The following GRIN2D variants were observed in gnomAD, a reference collection of about 807,000 sequenced individuals.
GRIN2D encodes glutamate ionotropic receptor NMDA type subunit 2D, also known as glutamate receptor ionotropic, NMDA 2D.
A neutral mutation model predicts 103.2 loss-of-function variants in GRIN2D; 37 were observed. That is an observed-to-expected ratio of 0.36 (90% CI 0.28 to 0.47). The LOEUF is 0.47. Among genes scored for constraint, GRIN2D ranks in the 20% least tolerant of loss-of-function variants. The probability of loss-of-function intolerance (pLI) is 1.00; values close to 1 mark genes in which losing one functional copy is unlikely to be tolerated. For synonymous variants in GRIN2D, 845 were observed against 885.6 expected (o/e 0.95, Z 0.81); for missense variants, 1,557 against 1,910.6 (o/e 0.81, Z 3.45).
intron 11 of GRIN2D, among the ~76,000 whole-genome samples, chr19:48,440,982 G>A (rs1971284526): frequency 6.6e-6 from 1 of 152,124 alleles, no homozygotes; most frequent in African/African-American, 2.4e-5. Flanking sequence ...AGCTACCATG[G>A]CCAGTCTCAA....
chr19:48,437,469 G>A (rs572282322), intron 11 of GRIN2D, among the ~76,000 whole-genome samples: 2 of 152,260 alleles, frequency 1.3e-5, no homozygotes, highest in South Asian at 2.1e-4. Context: ...TGGTGGATGC[G>A]AGAGGGGAGG....
chr19:48,406,414 G>T (rs276720), intron 4 of GRIN2D, among the ~76,000 whole-genome samples: 1 of 151,908 alleles, frequency 6.6e-6, no homozygotes, highest in Admixed American at 6.6e-5. Context: ...GGAAAAATTG[G>T]TAAGTTTGGT....
chr19:48,395,562 G>C lies in GRIN2D; in HGVS notation c.-27+626G>C, dbSNP rs141529782. Among the ~76,000 whole-genome samples the C allele has an allele frequency of 8.7e-4, 132 of 152,110 alleles. 1 individual carries two copies. Among genetic ancestry groups the C allele is most frequent in the African/African-American group, 3.0e-3 (123 of 41,474 alleles). On this transcript the variant is annotated intron_variant, in intron 2 of 13. Transcript: ENST00000263269. The stretch of plus-strand genomic sequence containing the variant: ...CGTCTGCAGCACAACTCGAGGTTGT[G>C]GGGGGAGCTGTTGATCGAAGTGGCC...
At chr19:48,440,772 T>C (rs1971281650) in intron 11 of GRIN2D, among the ~76,000 whole-genome samples, 1 of 152,132 alleles carries the variant, frequency 6.6e-6, no homozygotes, top group Admixed American at 6.5e-5. Context: ...CAGCAACCTC[T>C]GCCTCCCAGG....
chr19:48,429,410 A>AT, intron 11 of GRIN2D, among the ~76,000 whole-genome samples: 1 of 149,726 alleles, frequency 6.7e-6, no homozygotes, highest in Non-Finnish European at 1.5e-5. Flanking sequence ...TTATTTATTT[A>AT]TTTTTTTGAG....
intron 3 of GRIN2D, 101 bp downstream of exon 3, chr19:48,398,958 G>C: frequency 9.6e-7 from 1 of 1,039,272 alleles, no homozygotes; most frequent in Non-Finnish European, 1.3e-6. Flanking sequence ...AGAGGGGGCG[G>C]GGACTGTCCT....
chr19:48,401,723 T>C (rs964814629), intron 3 of GRIN2D, among the ~76,000 whole-genome samples: 4 of 152,206 alleles, frequency 2.6e-5, no homozygotes, highest in South Asian at 4.1e-4. Flanking sequence ...AGGTTTTCAA[T>C]TGAGAAGGGA....
chr19:48,420,231 A>G (rs1454680156), intron 10 of GRIN2D, among the ~76,000 whole-genome samples: 1 of 151,558 alleles, frequency 6.6e-6, no homozygotes, highest in Non-Finnish European at 1.5e-5. Context: ...GATCGAGACC[A>G]TCCTGGCTAA....
chr19:48,418,889 C>T (rs1011096527), intron 8 of GRIN2D, among the ~76,000 whole-genome samples: 8 of 152,044 alleles, frequency 5.3e-5, no homozygotes, highest in African/African-American at 1.9e-4. Flanking sequence ...CCTGCGACGG[C>T]TCTCTTTGAG....
intron 7 of GRIN2D, 132 bp downstream of exon 7, chr19:48,415,164 G>A: frequency 1.2e-6 from 1 of 805,070 alleles, no homozygotes; most frequent in Non-Finnish European, 1.9e-6. Context: ...TGAGCTCAGG[G>A]GTTCGAGACC....
At chr19:48,437,786 C>T (rs549848090) in intron 11 of GRIN2D, among the ~76,000 whole-genome samples, 4 of 152,244 alleles carry the variant, frequency 2.6e-5, no homozygotes, top group East Asian at 3.9e-4. Context: ...CAAAGAGAAA[C>T]GTAGGGAAAA....
intron 11 of GRIN2D, among the ~76,000 whole-genome samples, chr19:48,440,216 A>G (rs1971274998): frequency 6.6e-6 from 1 of 151,570 alleles, no homozygotes; most frequent in Non-Finnish European, 1.5e-5. Context: ...GGTCTCAAGA[A>G]AAAAAAAATA....
Position 48,442,082 on chromosome 19 carries a change from T to A in GRIN2D, c.2441-68T>A. ...GGAGGAAGGGGCTAAGGGCCTACAT[T>A]CCCACATCACAGACAAGGGTCCTCA... On this transcript the variant is annotated intron_variant, in intron 12 of 13. Transcript: ENST00000263269. This position sits in a 1 kb window ranked among gnomAD's most constrained non-coding sequence, Gnocchi z 7.2. The A allele has an allele frequency of 1.3e-6, 2 of 1,532,218 alleles. No homozygotes were observed. Among genetic ancestry groups the A allele is most frequent in the African/African-American group, 2.7e-5 (2 of 73,482 alleles). The allele number at this position is 1,532,218 out of a possible 1,614,324, so 94.9% of individuals were successfully genotyped here.
intron 11 of GRIN2D, among the ~76,000 whole-genome samples, chr19:48,431,390 G>C (rs1031166101): frequency 6.6e-6 from 1 of 152,040 alleles, no homozygotes; most frequent in South Asian, 2.1e-4. Flanking sequence ...AGTCAGGCTG[G>C]GTATAGAATT....
At position 48,443,960 on chromosome 19, in the gene GRIN2D, C is replaced by T; in HGVS notation, c.*23C>T. 1.5e-6 allele frequency: 2 copies of T among 1,364,200 alleles called. No individual in the cohort carries two copies. The highest frequency in any genetic ancestry group is 1.6e-5 in the South Asian group (1 of 63,304). The allele number at this position is 1,364,200 out of a possible 1,614,324, so 84.5% of individuals were successfully genotyped here. Reference sequence around the variant, plus strand: ...TGACGCGGCCCCGGGGGCCCCACCGCCCCCTTGGTCAGCGCAGGCCACGGC... The same window carrying T: ...TGACGCGGCCCCGGGGGCCCCACCGTCCCCTTGGTCAGCGCAGGCCACGGC... On this transcript the variant is annotated 3_prime_UTR_variant, in exon 14 of 14. Coordinates refer to ENST00000263269, the MANE Select transcript of GRIN2D (RefSeq NM_000836.4). This position sits in a 1 kb window ranked among gnomAD's most constrained non-coding sequence, Gnocchi z 8.9.
At position 48,393,998 on chromosome 19, in the gene GRIN2D, C is replaced by G. The variant is rs1315284251; in HGVS notation, c.-306+130C>G. Among the ~76,000 whole-genome samples the G allele has an allele frequency of 6.6e-6, 1 of 151,784 alleles. No homozygotes were observed. Among genetic ancestry groups the G allele is most frequent in the Non-Finnish European group, 1.5e-5 (1 of 67,944 alleles). On this transcript the variant is annotated intron_variant, in intron 1 of 13. Coordinates refer to ENST00000263269, the MANE Select transcript of GRIN2D (RefSeq NM_000836.4). This position sits in a 1 kb window ranked among gnomAD's most constrained non-coding sequence, Gnocchi z 5.6. ...GACCCTGAGCTGCCTGCCTGGGTGT[C>G]GTGGGGCTCCCGCTCCTTCCCCCCG... is the stretch of plus-strand genomic sequence containing the variant.
At chr19:48,404,165 G>C in intron 3 of GRIN2D, among the ~76,000 whole-genome samples, 1 of 151,962 alleles carries the variant, frequency 6.6e-6, no homozygotes, top group Middle Eastern at 3.4e-3. Context: ...GCTTGAACCC[G>C]GGAGGCGGAT....
rs753172103 is a variant in GRIN2D, at chr19:48,442,361, C to T, written c.2652C>T (p.Asp884=). ...RHCLGPTHRM[D]FLLAFSRGMY... Reference sequence around the variant, plus strand: ...GCCTGGGGCCCACCCACCGCATGGACTTCCTGCTGGCCTTCTCCAGGGTAT... The same window carrying T: ...GCCTGGGGCCCACCCACCGCATGGATTTCCTGCTGGCCTTCTCCAGGGTAT... Residue 884 remains aspartate (D), a synonymous_variant, in exon 13 of 14, where the codon GAC becomes GAT. Coordinates refer to ENST00000263269, the MANE Select transcript of GRIN2D (RefSeq NM_000836.4). This position sits in a 1 kb window ranked among gnomAD's most constrained non-coding sequence, Gnocchi z 7.2. 5.6e-6 allele frequency: 9 copies of T among 1,612,286 alleles called. No homozygotes were observed. The highest frequency in any genetic ancestry group is 1.1e-5 in the South Asian group (1 of 91,074).
At chr19:48,429,669 G>A (rs750612662) in intron 11 of GRIN2D, among the ~76,000 whole-genome samples, 37 of 152,108 alleles carry the variant, frequency 2.4e-4, no homozygotes, top group Non-Finnish European at 4.7e-4. Flanking sequence ...AAAGTGCTGG[G>A]ATTACAGGCA....
Sources: gnomAD v4.1 joint callset for allele counts (sites outside exome capture counted in the v4.1 genomes callset) on GRCh38, gnomAD v4.1.1 for gene constraint, Gnocchi (gnomAD v3.1) non-coding constraint, MANE v1.5 for transcripts, NCBI Gene and HGNC (gene_info 2026-07-23, HGNC 2026-07-21) for gene names.